The following ZSCAN18 variants were observed in gnomAD, a reference collection of about 807,000 sequenced individuals.
ZSCAN18 encodes the protein zinc finger and SCAN domain-containing protein 18.
In ZSCAN18, 16 loss-of-function variants were observed where a neutral mutation model predicts 31.1. The ratio of observed to expected loss-of-function variants is 0.51; its 90% CI spans 0.35 to 0.78. The LOEUF is 0.78. ZSCAN18 is among the 30% of genes least tolerant of loss of function. ZSCAN18 has a pLI of 0.01. For synonymous variants in ZSCAN18, 375 were observed against 320.7 expected, an observed-to-expected ratio of 1.17 and a Z score of -1.81; for missense variants, 731 against 697.4, an observed-to-expected ratio of 1.05 and a Z score of -0.54.
At chr19:58,108,983 C>A (rs972282341) in intron 1 of ZSCAN18, 1 of 1,176,530 alleles carries the variant, frequency 8.5e-7, no homozygotes, top group Non-Finnish European at 1.0e-6. Flanking sequence ...AAATGTTTAA[C>A]CTTTGAGTCA....
chr19:58,105,956 G>C (rs913200125), intron 1 of ZSCAN18, among the ~76,000 whole-genome samples: 6 of 152,096 alleles, frequency 3.9e-5, no homozygotes, highest in East Asian at 1.9e-4. Context: ...TCTAGCCGAG[G>C]CAACAGAGTG....
At chr19:58,100,678 C>T (rs188529530), upstream of ZSCAN18, among the ~76,000 whole-genome samples, 391 of 74,866 alleles carry the variant, frequency 5.2e-3, 7 homozygotes, top group Middle Eastern at 0.016. Flanking sequence ...AGGAGGCCAG[C>T]GGGCGGATCA....
chr19:58,102,500 C>G (rs756682280), upstream of ZSCAN18, among the ~76,000 whole-genome samples: 8 of 150,798 alleles, frequency 5.3e-5, no homozygotes, highest in Non-Finnish European at 7.4e-5. Context: ...AAACCATATA[C>G]TCTTCTGTGC....
chr19:58,106,196 G>A (rs1262245699), intron 1 of ZSCAN18, among the ~76,000 whole-genome samples: 1 of 152,122 alleles, frequency 6.6e-6, no homozygotes, highest in Admixed American at 6.6e-5. Flanking sequence ...CGGCACAGGA[G>A]TTCAAGACCA....
At chr19:58,113,990 C>T (rs1000949850) in intron 1 of ZSCAN18, among the ~76,000 whole-genome samples, 1 of 149,546 alleles carries the variant, frequency 6.7e-6, no homozygotes, top group Non-Finnish European at 1.5e-5. Context: ...AATAATAAGG[C>T]TGGGCGTGGT....
upstream of ZSCAN18, among the ~76,000 whole-genome samples, chr19:58,101,415 C>T (rs2074593570): frequency 6.6e-6 from 1 of 150,502 alleles, no homozygotes; most frequent in Non-Finnish European, 1.5e-5. Flanking sequence ...TCCCAAAGTG[C>T]TGGGATTACA....
chr19:58,101,519 C>CTTT (rs59435037), upstream of ZSCAN18, among the ~76,000 whole-genome samples: 2 of 55,404 alleles, frequency 3.6e-5, no homozygotes, highest in African/African-American at 4.8e-5. Flanking sequence ...TTATCTTCTT[C>CTTT]TTTTTTTTTT....
chr19:58,100,426 G>A (rs2074583889), upstream of ZSCAN18, among the ~76,000 whole-genome samples: 1 of 152,178 alleles, frequency 6.6e-6, no homozygotes, highest in Non-Finnish European at 1.5e-5. Flanking sequence ...TCGTGGGGCA[G>A]AGAGAGGGTC....
chr19:58,116,689 G>C (rs2074732833), intron 1 of ZSCAN18, among the ~76,000 whole-genome samples: 1 of 152,114 alleles, frequency 6.6e-6, no homozygotes, highest in African/African-American at 2.4e-5. Flanking sequence ...CAACCCAGCA[G>C]CAAACAGTCC....
chr19:58,116,340 G>A (rs1186706337), intron 1 of ZSCAN18, among the ~76,000 whole-genome samples: 1 of 150,770 alleles, frequency 6.6e-6, no homozygotes, highest in East Asian at 1.9e-4. Context: ...CTTTCATTCT[G>A]CAAACATTTA....
chr19:58,089,147 C>T (rs981059948), intron 2 of ZSCAN18, among the ~76,000 whole-genome samples: 1 of 148,936 alleles, frequency 6.7e-6, no homozygotes, highest in African/African-American at 2.5e-5. Flanking sequence ...ACTAAAAATA[C>T]AAAAAATTAG....
At chr19:58,099,168 A>G (rs1032688177), upstream of ZSCAN18, among the ~76,000 whole-genome samples, 2 of 152,034 alleles carry the variant, frequency 1.3e-5, no homozygotes, top group African/African-American at 4.8e-5. Context: ...TTTGGTATTC[A>G]GTTTTATGAA....
upstream of ZSCAN18, among the ~76,000 whole-genome samples, chr19:58,098,887 G>A (rs3810126): frequency 0.56 from 85,325 of 151,946 alleles, 25,887 homozygotes; most frequent in Non-Finnish European, 0.68. Flanking sequence ...GTTTCAAGGA[G>A]TGGATAGAAC....
At position 58,084,637 on chromosome 19, in the gene ZSCAN18, A is replaced by T; in HGVS notation, c.*48T>A. Reference sequence around the variant, plus strand: ...GGAAAGGCCCAATGCCTCGTCTGGGATTCACGGCCGGCAAAGCGGCCCCTC... The same window carrying T: ...GGAAAGGCCCAATGCCTCGTCTGGGTTTCACGGCCGGCAAAGCGGCCCCTC... On this transcript the variant is annotated 3_prime_UTR_variant, in exon 7 of 7. Transcript: ENST00000601144. The surrounding 1 kb of genome is among the most constrained non-coding windows in gnomAD (Gnocchi z 4.5). 1 of 1,425,698 alleles carries T rather than the reference A, an allele frequency of 7.0e-7. No homozygotes were observed. Among genetic ancestry groups the T allele is most frequent in the Non-Finnish European group, 9.2e-7 (1 of 1,092,398 alleles). 88.3% of individuals were successfully genotyped at this position (1,425,698 alleles called of 1,614,324 possible).
In ZSCAN18 at chr19:58,118,014, G is replaced by C. The variant is rs11881974; in HGVS notation, c.130+253C>G. On this transcript the variant is annotated intron_variant, in intron 1 of 1. Coordinates refer to the ZSCAN18 transcript ENST00000595721. ...GGAGAGTAGAGGGCTCGCGCCCTGC[G>C]GGGAGAGGCGTTAGGGGGTCCGCGC... Among the ~76,000 whole-genome samples, 212 of 152,244 alleles carry C rather than the reference G, an allele frequency of 1.4e-3. 1 individual carries two copies. Among genetic ancestry groups the C allele is most frequent in the African/African-American group, 5.0e-3 (207 of 41,562 alleles).
intron 2 of ZSCAN18, among the ~76,000 whole-genome samples, chr19:58,089,498 C>G (rs1437017686): frequency 6.6e-6 from 1 of 151,816 alleles, no homozygotes; most frequent in Non-Finnish European, 1.5e-5. Context: ...TCGTGGCAGG[C>G]GCCTGTAATC....
At chr19:58,114,384 G>A (rs1236799366) in intron 1 of ZSCAN18, among the ~76,000 whole-genome samples, 1 of 152,120 alleles carries the variant, frequency 6.6e-6, no homozygotes, top group Non-Finnish European at 1.5e-5. Flanking sequence ...GTGTGATACA[G>A]TATTATGGTT....
In ZSCAN18 at chr19:58,084,203, A is replaced by T. The variant is rs534324178; in HGVS notation, c.*482T>A. 6.5e-6 allele frequency: 1 copy of T among 153,692 alleles called. No individual in the cohort carries two copies. The highest frequency in any genetic ancestry group is 1.4e-5 in the Non-Finnish European group (1 of 68,982). The allele number at this position is 153,692 out of a possible 1,614,324, so 9.5% of individuals were successfully genotyped here. On this transcript the variant is annotated 3_prime_UTR_variant, in exon 7 of 7. Transcript: ENST00000601144. The surrounding 1 kb of genome is among the most constrained non-coding windows in gnomAD (Gnocchi z 4.5). ...ACACACGCGAGGTAAACTAGGAAAC[A>T]GCTTCTGCTTTTGCAGATTAGAAGT...
Position 58,084,740 on chromosome 19 carries a change from G to A in ZSCAN18, c.1478C>T (p.Pro493Leu). Residue 493 changes from proline to leucine, a missense_variant, in exon 7 of 7, where the codon CCC (proline) becomes CTC (leucine). Around this residue, in one of 4 missense-constraint regions of ZSCAN18, gnomAD observed 597 missense variants for 499.5 expected, o/e 1.20. Coordinates refer to ENST00000601144, the MANE Select transcript of ZSCAN18 (RefSeq NM_001145543.2). The surrounding 1 kb of genome is among the most constrained non-coding windows in gnomAD (Gnocchi z 4.5). ...AGCCTCGCCCTCCACGCTCTCTGGGGGACCGCCCGCCCTAGCCCCCGCCTG... is the reference window on the plus strand; with the variant it reads ...AGCCTCGCCCTCCACGCTCTCTGGGAGACCGCCCGCCCTAGCCCCCGCCTG... ...EAQAGARAGG[P>L]PESVEGEAPP... The A allele has an allele frequency of 6.5e-7, 1 of 1,547,136 alleles. No individual in the cohort carries two copies. Among genetic ancestry groups the A allele is most frequent in the Non-Finnish European group, 8.6e-7 (1 of 1,156,130 alleles).
Sources: gnomAD v4.1 joint callset for allele counts (sites outside exome capture counted in the v4.1 genomes callset) on GRCh38, gnomAD v4.1.1 for gene constraint, gnomAD v4.1.1 regional missense constraint, Gnocchi (gnomAD v3.1) non-coding constraint, MANE v1.5 for transcripts, NCBI Gene and HGNC (gene_info 2026-07-23, HGNC 2026-07-21) for gene names.